Variants in ADD2 observed in about 807,000 individuals in gnomAD.
The protein encoded by ADD2 is adducin 2, also known as beta-adducin.
A neutral mutation model predicts 83.0 loss-of-function variants in ADD2; 23 were observed. That is an observed-to-expected ratio of 0.28 (90% CI 0.20 to 0.39). The LOEUF (loss-of-function observed/expected upper bound fraction) is 0.39. Among genes scored for constraint, ADD2 ranks in the 10% least tolerant of loss-of-function variants. The pLI is 1.00. For synonymous variants in ADD2, 375 were observed against 375.4 expected (o/e 1.00, Z 0.01); for missense variants, 758 against 944.9 (o/e 0.80, Z 2.59).
chr2:70,714,927 A>G (rs1672389539), intron 1 of ADD2, among the ~76,000 whole-genome samples: 1 of 152,192 alleles, frequency 6.6e-6, no homozygotes, highest in Non-Finnish European at 1.5e-5. Flanking sequence ...CCATTCTTGT[A>G]AGAAAGCAAA....
intron 1 of ADD2, among the ~76,000 whole-genome samples, chr2:70,755,449 GT>G (rs1394417175): frequency 6.6e-6 from 1 of 152,178 alleles, no homozygotes. Context: ...TGCATAATGG[GT>G]ATCAATGCTT....
At chr2:70,679,029 C>T in intron 10 of ADD2, 68 bp from the exon 11 acceptor site, 2 of 1,500,816 alleles carry the variant, frequency 1.3e-6, no homozygotes, top group Non-Finnish European at 1.8e-6. Flanking sequence ...CATACATGCA[C>T]ACACACCTTT....
intron 1 of ADD2, among the ~76,000 whole-genome samples, chr2:70,766,677 T>C (rs1357247785): frequency 3.9e-5 from 6 of 152,172 alleles, no homozygotes; most frequent in African/African-American, 1.2e-4. Context: ...ATGAAAGCAG[T>C]TGCTTGCACC....
intron 1 of ADD2, among the ~76,000 whole-genome samples, chr2:70,747,362 C>T (rs992301634): frequency 6.6e-6 from 1 of 152,046 alleles, no homozygotes; most frequent in Non-Finnish European, 1.5e-5. Context: ...GATTACAATC[C>T]AGAGCTGTAT....
intron 1 of ADD2, chr2:70,767,651 G>A (rs1334328889): frequency 2.2e-6 from 3 of 1,336,028 alleles, no homozygotes; most frequent in African/African-American, 3.0e-5. Context: ...CCCCAAGCAG[G>A]GGCCAGTGCT....
At chr2:70,708,115 G>A (rs1671996522) in intron 2 of ADD2, among the ~76,000 whole-genome samples, 2 of 152,232 alleles carry the variant, frequency 1.3e-5, no homozygotes, top group African/African-American at 4.8e-5. Context: ...CAGTCTCTCT[G>A]GGTGGGGTGA....
intron 12 of ADD2, among the ~76,000 whole-genome samples, chr2:70,677,196 C>A (rs925444694): frequency 7.2e-5 from 11 of 152,006 alleles, no homozygotes; most frequent in African/African-American, 2.7e-4. Flanking sequence ...ATTCTAGGCA[C>A]CCCCCACCAT....
At position 70,678,348 on chromosome 2, in the gene ADD2, G is replaced by A. The variant is rs142825926; in HGVS notation, c.1383+356C>T. ...GCTGTACAGCCCACCTCCTGGGCTT[G>A]CATCAGATCTGAAGTCCCAATGTTA... is the stretch of plus-strand genomic sequence containing the variant. On this transcript the variant is annotated intron_variant, in intron 11 of 15. Coordinates refer to ENST00000264436, the MANE Select transcript of ADD2 (RefSeq NM_001617.4). Among the ~76,000 whole-genome samples, 59 of 152,304 alleles carry A rather than the reference G, an allele frequency of 3.9e-4. No individual in the cohort carries two copies. The East Asian group carries it at 5.4e-3, about 14-fold the overall frequency.
intron 14 of ADD2, among the ~76,000 whole-genome samples, chr2:70,674,188 A>T (rs1211460962): frequency 6.6e-6 from 1 of 152,150 alleles, no homozygotes; most frequent in Non-Finnish European, 1.5e-5. Flanking sequence ...GGAAGAGACA[A>T]AGGTAGGAAC....
chr2:70,742,858 CTTAATG>C lies in ADD2; in HGVS notation c.-154+25022_-154+25027del, dbSNP rs72007198. Among the ~76,000 whole-genome samples the C allele has an allele frequency of 8.9e-3, 1,354 of 152,208 alleles. 16 individuals carry two copies. The highest frequency in any genetic ancestry group is 0.031 in the African/African-American group (1,290 of 41,494). ...GGTCCCTGGCTATACTTACATACAT[CTTAATG>C]TTATGTTTTTTTAAGTTATGTGATA... On this transcript the variant is annotated intron_variant, in intron 1 of 15. Coordinates refer to ENST00000264436, the MANE Select transcript of ADD2 (RefSeq NM_001617.4).
chr2:70,740,192 T>C (rs1272569989), intron 1 of ADD2, among the ~76,000 whole-genome samples: 1 of 152,146 alleles, frequency 6.6e-6, no homozygotes, highest in Non-Finnish European at 1.5e-5. Context: ...GTAAACCCCA[T>C]AATGAAAGTA....
chr2:70,663,592 T>G lies in ADD2; in HGVS notation c.2014A>C (p.Ser672Arg). The G allele has an allele frequency of 6.2e-7, 1 of 1,614,190 alleles. No individual in the cohort carries two copies. Among genetic ancestry groups the G allele is most frequent in the Admixed American group, 1.7e-5 (1 of 60,022 alleles). The change falls in exon 16 of 16, where the codon AGT becomes CGT. Residue 672 changes from serine (S) to arginine (R), a missense_variant. Ser to Arg is a moderately radical substitution (Grantham distance 110). Around this residue, in one of 5 missense-constraint regions of ADD2, gnomAD observed 165 missense variants for 176.2 expected, o/e 0.94. Transcript: ENST00000264436. The stretch of plus-strand genomic sequence containing the variant: ...GAGGTATCAACATCCGTGTCAGCAC[T>G]GGTGGTCATCTGGCTCAGGCCTTTG... ...LSKGLSQMTTSADTDVDTSKD... is the reference protein window; with the variant it reads ...LSKGLSQMTTRADTDVDTSKD...
At chr2:70,669,297 G>A (rs1038108213) in intron 15 of ADD2, among the ~76,000 whole-genome samples, 1 of 152,208 alleles carries the variant, frequency 6.6e-6, no homozygotes, top group Non-Finnish European at 1.5e-5. Flanking sequence ...ATCTTCTTTA[G>A]TGTTGTCCTC....
At chr2:70,726,707 C>T (rs1389244084) in intron 1 of ADD2, among the ~76,000 whole-genome samples, 1 of 152,142 alleles carries the variant, frequency 6.6e-6, no homozygotes, top group African/African-American at 2.4e-5. Context: ...AAGAGTTCAC[C>T]TCTAATGTAG....
At chr2:70,686,656 G>C (rs782547874) in intron 9 of ADD2, among the ~76,000 whole-genome samples, 5 of 152,194 alleles carry the variant, frequency 3.3e-5, no homozygotes, top group Non-Finnish European at 5.9e-5. Flanking sequence ...GTGGGAAAGG[G>C]AGAGTAGCTT....
At chr2:70,754,723 C>T (rs545729803) in intron 1 of ADD2, among the ~76,000 whole-genome samples, 1 of 152,246 alleles carries the variant, frequency 6.6e-6, no homozygotes, top group East Asian at 1.9e-4. Context: ...CCACCCCAGC[C>T]TCAGTCACCC....
intron 2 of ADD2, among the ~76,000 whole-genome samples, chr2:70,710,220 A>G (rs1347917405): frequency 6.6e-6 from 1 of 152,220 alleles, no homozygotes; most frequent in Non-Finnish European, 1.5e-5. Flanking sequence ...CTCTAAGCCA[A>G]CTGAACTCTC....
chr2:70,677,849 G>C lies in ADD2; in HGVS notation c.1412C>G (p.Ser471Cys), dbSNP rs782037969. ...TWMKADEVEK[S>C]SSGMPIRIEN... Reference sequence around the variant, plus strand: ...GATGCGAATCGGCATGCCACTGCTGGATTTCTCCACCTCGTCAGCCTTCAT... The same window carrying C: ...GATGCGAATCGGCATGCCACTGCTGCATTTCTCCACCTCGTCAGCCTTCAT... Residue 471 changes from serine (S) to cysteine (C), a missense_variant, in exon 12 of 16, where the codon TCC (serine) becomes TGC (cysteine). Coordinates refer to ENST00000264436, the MANE Select transcript of ADD2 (RefSeq NM_001617.4). The C allele has an allele frequency of 5.0e-6, 8 of 1,614,100 alleles. No individual in the cohort carries two copies. Among genetic ancestry groups the C allele is most frequent in the Non-Finnish European group, 6.8e-6 (8 of 1,180,048 alleles).
At chr2:70,762,262 A>G (rs1309897506) in intron 1 of ADD2, among the ~76,000 whole-genome samples, 2 of 151,912 alleles carry the variant, frequency 1.3e-5, no homozygotes, top group African/African-American at 4.9e-5. Context: ...AAAGAGAATG[A>G]GCATCACACC....
Sources: gnomAD v4.1 joint callset for allele counts (sites outside exome capture counted in the v4.1 genomes callset) on GRCh38, gnomAD v4.1.1 for gene constraint, gnomAD v4.1.1 regional missense constraint, MANE v1.5 for transcripts, NCBI Gene and HGNC (gene_info 2026-07-23, HGNC 2026-07-21) for gene names.